The following RERE variants were observed in gnomAD, a reference collection of about 807,000 sequenced individuals.
RERE encodes arginine-glutamic acid dipeptide repeats.
A neutral mutation model predicts 146.1 loss-of-function variants in RERE; 40 were observed. The observed-to-expected ratio is 0.27, with a 90% CI of 0.21 to 0.36. The LOEUF is 0.36. Among genes scored for constraint, RERE ranks in the 10% least tolerant of loss-of-function variants. RERE has a pLI of 1.00. For missense variants in RERE, 1,933 were observed against 2,138.7 expected (o/e 0.90, Z 1.90); for synonymous variants, 1,003 against 866.0 (o/e 1.16, Z -2.78).
At chr1:8,388,642 G>A (rs1642771428) in intron 12 of RERE, among the ~76,000 whole-genome samples, 1 of 152,318 alleles carries the variant, frequency 6.6e-6, no homozygotes, top group South Asian at 2.1e-4. Context: ...CTTAAGCTGC[G>A]TGGTGGCGAC....
At chr1:8,660,664 TCTC>T (rs911119502) in intron 1 of RERE, among the ~76,000 whole-genome samples, 8 of 152,104 alleles carry the variant, frequency 5.3e-5, no homozygotes, top group Non-Finnish European at 8.8e-5. Flanking sequence ...GGCACCAACT[TCTC>T]CTACATTCAT....
At chr1:8,605,367 T>C (rs183572917) in intron 4 of RERE, among the ~76,000 whole-genome samples, 1,693 of 152,200 alleles carry the variant, frequency 0.011, 31 homozygotes, top group African/African-American at 0.039. Context: ...CTCCTGACCT[T>C]GTGATCCACC....
At chr1:8,392,791 A>C (rs571786984) in intron 12 of RERE, among the ~76,000 whole-genome samples, 1 of 152,212 alleles carries the variant, frequency 6.6e-6, no homozygotes, top group Non-Finnish European at 1.5e-5. Flanking sequence ...CTGGAAGATT[A>C]CCAGCCCTGG....
In RERE at chr1:8,361,167, C is replaced by A; in HGVS notation, c.2340G>T (p.Thr780=). The A allele has an allele frequency of 1.4e-6, 2 of 1,452,986 alleles. No homozygotes were observed. Among genetic ancestry groups the A allele is most frequent in the Non-Finnish European group, 1.8e-6 (2 of 1,108,496 alleles). The allele number at this position is 1,452,986 out of a possible 1,614,324, so 90.0% of individuals were successfully genotyped here. A position where few individuals can be genotyped will look rare whatever the true frequency, so the allele number is the denominator to read the frequency against. ...GTGGCTGGTTAGGGGCCTGGGAGGCCGTGGGGGAGCCCTGTGGGGGAACTG... is the reference window on the plus strand; with the variant it reads ...GTGGCTGGTTAGGGGCCTGGGAGGCAGTGGGGGAGCCCTGTGGGGGAACTG... The part of the protein sequence containing the change: ...ATAVPPQGSP[T]ASQAPNQPQA... Residue 780 remains threonine (T), a synonymous_variant, in exon 18 of 23, where the codon ACG becomes ACT. Transcript: ENST00000400908.
intron 6 of RERE, among the ~76,000 whole-genome samples, chr1:8,548,814 C>T (rs2124407565): frequency 6.6e-6 from 1 of 152,136 alleles, no homozygotes; most frequent in African/African-American, 2.4e-5. Context: ...GAAACCCCAT[C>T]TCTACTAAAA....
At chr1:8,599,958 CT>C (rs1646601685) in intron 4 of RERE, among the ~76,000 whole-genome samples, 1 of 152,208 alleles carries the variant, frequency 6.6e-6, no homozygotes, top group African/African-American at 2.4e-5. Context: ...ATATGGTTGG[CT>C]GTGTCCCACC....
intron 12 of RERE, chr1:8,380,905 G>A (rs1183290475): frequency 1.3e-5 from 6 of 456,614 alleles, no homozygotes; most frequent in Admixed American, 4.7e-5. Flanking sequence ...ACGTCTGCCA[G>A]GGCTTGGGAG....
At chr1:8,655,849 A>C (rs925275264) in intron 2 of RERE, 124 bp downstream of exon 2, 1 of 1,492,430 alleles carries the variant, frequency 6.7e-7, no homozygotes, top group Non-Finnish European at 8.9e-7. Flanking sequence ...TACCAAATTA[A>C]GTTTCCTACT....
At chr1:8,401,035 A>ACATATATATATATATATATATAT (rs1557611589) in intron 12 of RERE, among the ~76,000 whole-genome samples, 4 of 32,782 alleles carry the variant, frequency 1.2e-4, no homozygotes, top group African/African-American at 4.0e-4. Flanking sequence ...AAAAAAAAAA[A>ACATATATATATATATATATATAT]ACCATATATA....
intron 2 of RERE, among the ~76,000 whole-genome samples, chr1:8,637,496 T>C (rs1363586174): frequency 6.6e-6 from 1 of 152,210 alleles, no homozygotes; most frequent in African/African-American, 2.4e-5. Flanking sequence ...ATTGTATTAT[T>C]TATAAGAGTT....
chr1:8,503,805 C>T (rs1300107934), intron 8 of RERE, among the ~76,000 whole-genome samples: 1 of 152,114 alleles, frequency 6.6e-6, no homozygotes, highest in Non-Finnish European at 1.5e-5. Context: ...TTATACAGCC[C>T]TGGCAGGATA....
chr1:8,368,093 T>C (rs1475546653), intron 12 of RERE, among the ~76,000 whole-genome samples: 1 of 152,202 alleles, frequency 6.6e-6, no homozygotes, highest in African/African-American at 2.4e-5. Flanking sequence ...ATTCCAGAGC[T>C]TGAAAGAAGA....
chr1:8,511,371 C>T (rs1645333141), intron 7 of RERE, among the ~76,000 whole-genome samples: 1 of 152,132 alleles, frequency 6.6e-6, no homozygotes, highest in Admixed American at 6.6e-5. Flanking sequence ...ATTTAAAAAT[C>T]CCTCTTTGCA....
At chr1:8,583,652 T>C (rs943588649) in intron 4 of RERE, among the ~76,000 whole-genome samples, 17 of 152,052 alleles carry the variant, frequency 1.1e-4, no homozygotes, top group Non-Finnish European at 2.1e-4. Context: ...CTACCAGTAA[T>C]GGAATATAAA....
intron 4 of RERE, among the ~76,000 whole-genome samples, chr1:8,590,234 A>C (rs74761373): frequency 0.037 from 5,576 of 152,242 alleles, 322 homozygotes; most frequent in African/African-American, 0.13. Flanking sequence ...AAAATGACTA[A>C]GAAGGAAAAG....
intron 1 of RERE, among the ~76,000 whole-genome samples, chr1:8,687,483 C>T (rs1437764679): frequency 7.2e-5 from 11 of 152,160 alleles, no homozygotes; most frequent in Non-Finnish European, 1.0e-4. Flanking sequence ...CTCCATTTGA[C>T]GTTTATTAAC....
intron 8 of RERE, among the ~76,000 whole-genome samples, chr1:8,498,507 C>A (rs991679257): frequency 6.6e-6 from 1 of 151,722 alleles, no homozygotes; most frequent in Non-Finnish European, 1.5e-5. Context: ...ACCAGCCTGG[C>A]CAACATGATA....
chr1:8,533,473 G>T (rs1012756822), intron 7 of RERE, among the ~76,000 whole-genome samples: 12 of 152,152 alleles, frequency 7.9e-5, no homozygotes, highest in Admixed American at 6.5e-5. Flanking sequence ...TATCTGTGGG[G>T]ATCCTACAGG....
chr1:8,704,551 TA>T (rs1639521143), intron 1 of RERE, among the ~76,000 whole-genome samples: 1 of 152,192 alleles, frequency 6.6e-6, no homozygotes, highest in African/African-American at 2.4e-5. Flanking sequence ...CTCTTTCCAA[TA>T]AACAGAGAAA....
Sources: allele counts gnomAD v4.1 joint callset (sites outside exome capture counted in the v4.1 genomes callset), GRCh38; gene constraint gnomAD v4.1.1; transcripts MANE v1.5; gene names NCBI Gene and HGNC (gene_info 2026-07-23, HGNC 2026-07-21).